The following UXS1 variants were observed in gnomAD, a reference collection of about 807,000 sequenced individuals.
UXS1 encodes the protein UDP-glucuronic acid decarboxylase 1.
Under a neutral mutation model 62.6 loss-of-function variants are expected in UXS1, and 33 were observed. That is an observed-to-expected ratio of 0.53 (90% confidence interval 0.40 to 0.70). The LOEUF (loss-of-function observed/expected upper bound fraction) is 0.70, where lower values mean the gene tolerates loss of function less well. UXS1 is among the 30% of genes least tolerant of loss of function. UXS1 has a pLI of 0.00. For missense variants in UXS1, 434 were observed against 556.3 expected, an observed-to-expected ratio of 0.78 and a Z score of 2.21; for synonymous variants, 213 against 206.8, an observed-to-expected ratio of 1.03 and a Z score of -0.26.
intron 1 of UXS1, 95 bp downstream of exon 1, chr2:106,194,053 A>T (rs1685113202): frequency 9.5e-6 from 9 of 950,432 alleles, no homozygotes; most frequent in Non-Finnish European, 1.3e-5. Context: ...GCGGGGCTGC[A>T]GGGCCGCCTC....
chr2:106,182,950 T>G (rs1322027654), intron 1 of UXS1, among the ~76,000 whole-genome samples: 5 of 151,950 alleles, frequency 3.3e-5, no homozygotes, highest in African/African-American at 1.2e-4. Context: ...ATAATTAGGA[T>G]GCACTGGGGT....
chr2:106,111,459 T>C (rs865952664), intron 10 of UXS1, among the ~76,000 whole-genome samples: 2 of 152,162 alleles, frequency 1.3e-5, no homozygotes, highest in South Asian at 4.1e-4. Context: ...GTCATCCCAC[T>C]GTGTAACAGG....
intron 1 of UXS1, among the ~76,000 whole-genome samples, chr2:106,171,377 T>G (rs1224192873): frequency 6.6e-6 from 1 of 152,230 alleles, no homozygotes; most frequent in Non-Finnish European, 1.5e-5. Context: ...GAATACAGTC[T>G]TCCAATCTGA....
intron 4 of UXS1, among the ~76,000 whole-genome samples, chr2:106,162,043 C>T (rs896537943): frequency 7.9e-5 from 12 of 152,138 alleles, no homozygotes; most frequent in Admixed American, 2.0e-4. Context: ...GTAAGCTAGA[C>T]GGAGTTCCAT....
Position 106,123,085 on chromosome 2 carries a change from T to C in UXS1, c.644A>G (p.Glu215Gly). 1 of 1,613,918 alleles carries C rather than the reference T, an allele frequency of 6.2e-7. No individual in the cohort carries two copies. Among genetic ancestry groups the C allele is most frequent in the Non-Finnish European group, 8.5e-7 (1 of 1,179,802 alleles). The change falls in exon 9 of 15, where the codon GAA becomes GGA. Residue 215 changes from glutamate (E) to glycine (G), a missense_variant. Glu to Gly is a moderately conservative substitution (Grantham distance 98). This residue lies in a region of UXS1 where 134 missense variants were observed against 251.9 expected (regional missense o/e 0.53). Transcript: ENST00000283148. ...ASTSEVYGDPEVHPQSEDYWG... is the reference protein window; with the variant it reads ...ASTSEVYGDPGVHPQSEDYWG... ...GTAATCCTCACTTTGAGGGTGGACT[T>C]CAGGATCTACGATGGGAGAAAAGTG...
intron 1 of UXS1, chr2:106,183,321 T>C (rs1684364358): frequency 6.6e-6 from 1 of 151,902 alleles, no homozygotes; most frequent in South Asian, 2.1e-4. Context: ...CAGGCTTTGC[T>C]TTCAATTTCT....
chr2:106,118,784 A>T (rs1679275700), intron 9 of UXS1, among the ~76,000 whole-genome samples: 1 of 152,198 alleles, frequency 6.6e-6, no homozygotes, highest in African/African-American at 2.4e-5. Context: ...TTTTCTATAA[A>T]AAAATTATTC....
intron 6 of UXS1, among the ~76,000 whole-genome samples, chr2:106,137,872 C>T (rs544185224): frequency 7.2e-5 from 11 of 152,034 alleles, no homozygotes; most frequent in East Asian, 5.8e-4. Flanking sequence ...GAGCCGAGTA[C>T]GACACCACAG....
At chr2:106,099,193 T>TA (rs1171803062) in intron 12 of UXS1, among the ~76,000 whole-genome samples, 1 of 152,240 alleles carries the variant, frequency 6.6e-6, no homozygotes, top group Non-Finnish European at 1.5e-5. Flanking sequence ...GAAGGACTTG[T>TA]AATCTCACAC....
At chr2:106,162,192 G>T (rs1032064721) in intron 4 of UXS1, among the ~76,000 whole-genome samples, 2 of 152,178 alleles carry the variant, frequency 1.3e-5, no homozygotes, top group Non-Finnish European at 2.9e-5. Flanking sequence ...CAAGCAGCCC[G>T]AGAGGCAAAT....
chr2:106,127,378 A>G (rs970345650), intron 7 of UXS1, among the ~76,000 whole-genome samples: 6 of 152,172 alleles, frequency 3.9e-5, no homozygotes, highest in Admixed American at 2.0e-4. Flanking sequence ...TTTCTAGTTT[A>G]TAGTTTTCTC....
chr2:106,170,108 T>G (rs933079583), intron 1 of UXS1, among the ~76,000 whole-genome samples: 14 of 152,012 alleles, frequency 9.2e-5, no homozygotes, highest in Admixed American at 6.6e-5. Context: ...ATCCCTTCCT[T>G]CCCCACTCAG....
chr2:106,129,359 AG>A (rs1179422733), intron 7 of UXS1, among the ~76,000 whole-genome samples: 1 of 152,074 alleles, frequency 6.6e-6, no homozygotes, highest in South Asian at 2.1e-4. Context: ...AGAGGAGGGG[AG>A]GGGGGCAGGC....
At chr2:106,166,234 C>A (rs907030144) in intron 1 of UXS1, 151 bp from the exon 2 acceptor site, 14 of 733,742 alleles carry the variant, frequency 1.9e-5, no homozygotes, top group Non-Finnish European at 3.1e-5. Flanking sequence ...GTTTTCAAAA[C>A]AATTAAATCT....
At chr2:106,190,844 C>CTA (rs917259807) in intron 1 of UXS1, among the ~76,000 whole-genome samples, 80 of 151,338 alleles carry the variant, frequency 5.3e-4, no homozygotes, top group Admixed American at 1.6e-3. Flanking sequence ...ACTTTTTACA[C>CTA]TATATGCATG....
chr2:106,119,630 T>A (rs1177814961), intron 9 of UXS1, among the ~76,000 whole-genome samples: 1 of 152,148 alleles, frequency 6.6e-6, no homozygotes, highest in Non-Finnish European at 1.5e-5. Flanking sequence ...CAGGCCGCTG[T>A]GCTCAGAACA....
intron 1 of UXS1, among the ~76,000 whole-genome samples, chr2:106,188,337 C>T (rs964348167): frequency 2.0e-5 from 3 of 152,028 alleles, no homozygotes; most frequent in African/African-American, 4.8e-5. Context: ...CGGACGTGGG[C>T]GGGCAGTGGA....
At chr2:106,137,583 G>A (rs187121613) in intron 6 of UXS1, among the ~76,000 whole-genome samples, 224 of 152,004 alleles carry the variant, frequency 1.5e-3, no homozygotes, top group Non-Finnish European at 2.9e-3. Flanking sequence ...GAGGTCAGGA[G>A]TTCGAATCCA....
chr2:106,169,680 CCT>C (rs1683422076), intron 1 of UXS1, among the ~76,000 whole-genome samples: 1 of 152,120 alleles, frequency 6.6e-6, no homozygotes, highest in Non-Finnish European at 1.5e-5. Flanking sequence ...AAAGTGAGAC[CCT>C]GTCTCAGAAA....
Sources: allele counts gnomAD v4.1 joint callset (sites outside exome capture counted in the v4.1 genomes callset), GRCh38; gene constraint gnomAD v4.1.1; regional missense constraint gnomAD v4.1.1; transcripts MANE v1.5; gene names NCBI Gene and HGNC (gene_info 2026-07-23, HGNC 2026-07-21).